Variants in ELOVL2 observed in about 807,000 individuals in gnomAD.
ELOVL2 encodes very long chain fatty acid elongase 2.
Under a neutral mutation model 37.7 loss-of-function variants are expected in ELOVL2, and 38 were observed. The ratio of observed to expected loss-of-function variants is 1.01; its 90% CI spans 0.78 to 1.32. ELOVL2 has a LOEUF of 1.32. ELOVL2 is among the 40% of genes most tolerant of loss of function. ELOVL2 has a pLI of 0.00. For missense variants in ELOVL2, 352 were observed against 363.6 expected (o/e 0.97, Z 0.26); for synonymous variants, 115 against 122.3 (o/e 0.94, Z 0.40).
intron 7 of ELOVL2, among the ~76,000 whole-genome samples, chr6:10,987,553 T>C (rs1403685390): frequency 1.3e-5 from 2 of 152,248 alleles, no homozygotes; most frequent in African/African-American, 4.8e-5. Context: ...GTTGTATCTT[T>C]GTTCTTATTG....
At chr6:10,994,879 G>T in intron 5 of ELOVL2, 128 bp downstream of exon 5, 1 of 705,026 alleles carries the variant, frequency 1.4e-6, no homozygotes, top group South Asian at 3.0e-5. Flanking sequence ...GCATCCTGCT[G>T]CGGCAAGGCC....
intron 1 of ELOVL2, among the ~76,000 whole-genome samples, chr6:11,021,914 A>C (rs1361696459): frequency 1.3e-5 from 2 of 152,066 alleles, no homozygotes; most frequent in Non-Finnish European, 2.9e-5. Flanking sequence ...AGCTCATCCT[A>C]AGGAGGTGCG....
At chr6:10,990,483 G>T in intron 5 of ELOVL2, 41 bp from the exon 6 acceptor site, 1 of 1,530,728 alleles carries the variant, frequency 6.5e-7, no homozygotes, top group Admixed American at 2.3e-5. Flanking sequence ...CTTCCAGGAA[G>T]GACTGTTCAT....
At chr6:11,015,187 T>C (rs1474718901) in intron 1 of ELOVL2, among the ~76,000 whole-genome samples, 2 of 152,128 alleles carry the variant, frequency 1.3e-5, no homozygotes, top group Admixed American at 1.3e-4. Flanking sequence ...GATCAGTGGT[T>C]GGCTGGGGAC....
chr6:11,010,707 G>A, intron 2 of ELOVL2, 39 bp downstream of exon 2: 1 of 1,485,736 alleles, frequency 6.7e-7, no homozygotes, highest in South Asian at 1.1e-5. Flanking sequence ...TGTTCTTCCT[G>A]TGTTCCTTCC....
chr6:11,030,669 T>G (rs1033485743), intron 1 of ELOVL2, among the ~76,000 whole-genome samples: 5 of 151,888 alleles, frequency 3.3e-5, no homozygotes, highest in Admixed American at 3.3e-4. Context: ...TTTTTTTGTA[T>G]TTTTAGTAGA....
chr6:10,993,119 C>A (rs1048821294), intron 5 of ELOVL2, among the ~76,000 whole-genome samples: 2 of 152,114 alleles, frequency 1.3e-5, no homozygotes, highest in African/African-American at 4.8e-5. Context: ...GCATTTATAG[C>A]CTTGGTCAAA....
chr6:11,016,910 T>C (rs1782692747), intron 1 of ELOVL2, among the ~76,000 whole-genome samples: 1 of 152,004 alleles, frequency 6.6e-6, no homozygotes, highest in Admixed American at 6.5e-5. Flanking sequence ...CATTTTACAC[T>C]GACACCCCTA....
intron 1 of ELOVL2, among the ~76,000 whole-genome samples, chr6:11,042,951 C>G (rs1311571647): frequency 6.6e-6 from 1 of 152,164 alleles, no homozygotes; most frequent in African/African-American, 2.4e-5. Flanking sequence ...TTCCTGAAAC[C>G]TATATTCTGG....
intron 2 of ELOVL2, among the ~76,000 whole-genome samples, chr6:11,008,508 CCTAA>C (rs1342899309): frequency 2.0e-5 from 3 of 151,918 alleles, no homozygotes; most frequent in Admixed American, 6.6e-5. Context: ...GGCCTGCATG[CCTAA>C]CTAAGAGAGG....
chr6:11,017,796 A>G (rs746876889), intron 1 of ELOVL2, among the ~76,000 whole-genome samples: 9 of 152,110 alleles, frequency 5.9e-5, no homozygotes, highest in Non-Finnish European at 1.2e-4. Context: ...CTGGCCTGTT[A>G]ATTTGTGTAT....
rs546291149 is a variant in ELOVL2 at position 10,983,230 on chromosome 6, G to T, written c.*551C>A. 7 of 152,210 alleles carry T rather than the reference G, an allele frequency of 4.6e-5. No individual in the cohort carries two copies. The highest frequency in any genetic ancestry group is 1.4e-4 in the African/African-American group (6 of 41,520). The allele number at this position is 152,210 out of a possible 1,614,324, so 9.4% of individuals were successfully genotyped here. A position where few individuals can be genotyped will look rare whatever the true frequency, so the allele number is the denominator to read the frequency against. ...TGGGAATCTGATAGACAAGACTCTG[G>T]CTTACAGAAAGAGAAGTTTTGCTAG... On this transcript the variant is annotated 3_prime_UTR_variant, in exon 8 of 8. Transcript: ENST00000354666.
chr6:11,019,547 C>T (rs1038615220), intron 1 of ELOVL2, among the ~76,000 whole-genome samples: 18 of 151,866 alleles, frequency 1.2e-4, no homozygotes, highest in Non-Finnish European at 2.5e-4. Context: ...CAACTCCAAT[C>T]TACTTGCCTA....
rs897135189 is a variant in ELOVL2, at chr6:10,983,495, C to T, written c.*286G>A. 4.0e-5 allele frequency: 10 copies of T among 247,622 alleles called. No homozygotes were observed. Among genetic ancestry groups the T allele is most frequent in the South Asian group, 1.1e-4 (1 of 9,240 alleles). 15.3% of individuals were successfully genotyped at this position (247,622 alleles called of 1,614,324 possible). ...TTCCTGGCTGTGTATGCGTATAAGG[C>T]GTTATAAGGACAGCTTCTGGCGAAA... On this transcript the variant is annotated 3_prime_UTR_variant, in exon 8 of 8. Coordinates refer to ENST00000354666, the MANE Select transcript of ELOVL2 (RefSeq NM_017770.4).
intron 4 of ELOVL2, among the ~76,000 whole-genome samples, chr6:10,995,494 C>G (rs547567184): frequency 5.3e-5 from 8 of 152,318 alleles, no homozygotes; most frequent in Non-Finnish European, 5.9e-5. Flanking sequence ...CTGTTTCCAC[C>G]AGCCTCCTGC....
chr6:11,040,798 G>GA (rs1198898793), intron 1 of ELOVL2, among the ~76,000 whole-genome samples: 2 of 152,000 alleles, frequency 1.3e-5, no homozygotes, highest in African/African-American at 2.4e-5. Context: ...TGTTCCTCCC[G>GA]AAAACCTTAT....
At chr6:11,038,174 GTTTTTT>G (rs1300187273) in intron 1 of ELOVL2, among the ~76,000 whole-genome samples, 2 of 152,252 alleles carry the variant, frequency 1.3e-5, no homozygotes, top group South Asian at 4.1e-4. Context: ...TCTCACAAAA[GTTTTTT>G]TGTGAGGCTT....
chr6:10,998,498 A>G (rs1782314180), intron 4 of ELOVL2, among the ~76,000 whole-genome samples: 1 of 152,202 alleles, frequency 6.6e-6, no homozygotes, highest in Non-Finnish European at 1.5e-5. Context: ...TAACAATAAG[A>G]GCTTTTACAA....
intron 1 of ELOVL2, among the ~76,000 whole-genome samples, chr6:11,035,193 A>C (rs60043068): frequency 0.3 from 44,893 of 151,568 alleles, 7,471 homozygotes; most frequent in East Asian, 0.63. Context: ...TCTGTTCTAC[A>C]CTACATTCCT....
Sources: allele counts gnomAD v4.1 joint callset (sites outside exome capture counted in the v4.1 genomes callset), GRCh38; gene constraint gnomAD v4.1.1; transcripts MANE v1.5; gene names NCBI Gene and HGNC (gene_info 2026-07-23, HGNC 2026-07-21).